Variants in NFATC2 observed in about 807,000 individuals in gnomAD.
NFATC2 encodes nuclear factor of activated T cells 2.
A neutral mutation model predicts 87.3 loss-of-function variants in NFATC2; 22 were observed. That is an observed-to-expected ratio of 0.25 (90% CI 0.18 to 0.36). The LOEUF (loss-of-function observed/expected upper bound fraction) is 0.36, where lower values mean the gene tolerates loss of function less well. Ranked by LOEUF, NFATC2 falls within the 10% of genes least tolerant of loss-of-function variation. The pLI is 1.00. For missense variants in NFATC2, 1,149 were observed against 1,259.1 expected, an observed-to-expected ratio of 0.91 and a Z score of 1.32; for synonymous variants, 565 against 542.2, an observed-to-expected ratio of 1.04 and a Z score of -0.58.
At chr20:51,473,828 C>A (rs6096443) in intron 5 of NFATC2, 152 bp downstream of exon 5, 3 of 712,012 alleles carry the variant, frequency 4.2e-6, no homozygotes, top group Non-Finnish European at 6.7e-6. Flanking sequence ...TGTCTCTGTC[C>A]CCTCTGGTCA....
At chr20:51,535,305 C>T (rs1336186635) in intron 1 of NFATC2, among the ~76,000 whole-genome samples, 2 of 152,196 alleles carry the variant, frequency 1.3e-5, no homozygotes, top group South Asian at 2.1e-4. Flanking sequence ...TCCCTCTCTC[C>T]GACCAGCCAC....
chr20:51,510,120 G>A lies in NFATC2; in HGVS notation c.1332+6664C>T, dbSNP rs574354837. ...TTTGATCACTCCCTAAAAGGATGGC[G>A]TTCTGATTATTCTTTCCATTAAACA... On this transcript the variant is annotated intron_variant, in intron 3 of 10. Transcript: ENST00000371564. Among the ~76,000 whole-genome samples the A allele has an allele frequency of 1.1e-3, 161 of 152,306 alleles. 1 individual carries two copies. Among genetic ancestry groups the A allele is most frequent in the African/African-American group, 3.5e-3 (147 of 41,570 alleles).
intron 9 of NFATC2, among the ~76,000 whole-genome samples, chr20:51,424,860 A>C (rs1262883286): frequency 6.6e-6 from 1 of 151,938 alleles, no homozygotes; most frequent in Non-Finnish European, 1.5e-5. Flanking sequence ...AAAAAAAAAA[A>C]AACCCTAAAG....
chr20:51,404,412 C>T (rs1988354843), intron 9 of NFATC2, among the ~76,000 whole-genome samples: 1 of 152,236 alleles, frequency 6.6e-6, no homozygotes, highest in South Asian at 2.1e-4. Flanking sequence ...GTTCTTCAAA[C>T]ATGCAAGGCA....
intron 3 of NFATC2, among the ~76,000 whole-genome samples, chr20:51,507,248 C>T (rs903521905): frequency 4.6e-5 from 7 of 152,188 alleles, no homozygotes; most frequent in African/African-American, 1.7e-4. Flanking sequence ...GCCTCTCACC[C>T]CTCGTCGAAC....
intron 6 of NFATC2, 127 bp downstream of exon 6, chr20:51,454,421 T>G: frequency 1.1e-6 from 1 of 921,636 alleles, no homozygotes; most frequent in Non-Finnish European, 1.6e-6. Context: ...ACACGCTGAG[T>G]AAAAAGAGCA....
intron 1 of NFATC2, among the ~76,000 whole-genome samples, chr20:51,525,302 G>T (rs2076525832): frequency 6.6e-6 from 1 of 152,080 alleles, no homozygotes; most frequent in African/African-American, 2.4e-5. Flanking sequence ...CGGCTGCCTA[G>T]CCCGGGCTCC....
intron 1 of NFATC2, among the ~76,000 whole-genome samples, chr20:51,532,642 G>A (rs1406010601): frequency 2.0e-5 from 3 of 152,196 alleles, no homozygotes; most frequent in East Asian, 1.9e-4. Flanking sequence ...CCTCGCAGAC[G>A]GACACACAGC....
chr20:51,542,025 C>T (rs560578950), intron 1 of NFATC2, among the ~76,000 whole-genome samples: 110 of 152,316 alleles, frequency 7.2e-4, no homozygotes, highest in African/African-American at 2.0e-3. Context: ...AAATCATGTC[C>T]CTTGCCCTTT....
intron 6 of NFATC2, among the ~76,000 whole-genome samples, chr20:51,440,788 C>A (rs992369837): frequency 1.3e-5 from 2 of 152,148 alleles, no homozygotes; most frequent in Admixed American, 6.6e-5. Context: ...TGATTTTATG[C>A]AGCACGTGCA....
intron 3 of NFATC2, among the ~76,000 whole-genome samples, chr20:51,501,076 A>C (rs2076082587): frequency 6.6e-6 from 1 of 151,418 alleles, no homozygotes; most frequent in African/African-American, 2.4e-5. Flanking sequence ...ACACTCAAAC[A>C]CAGATGGTTT....
In NFATC2 at chr20:51,454,573, T is replaced by C. The variant is rs1239093396; in HGVS notation, c.1824A>G (p.Lys608=). ...CTGTGGTCTTCTCAGTAAACACAAC[T>C]TTGGACTCGGATGTAAAGTTCTGCC... ...LTGQNFTSES[K]VVFTEKTTDG... is the part of the protein sequence containing the mutation. The change falls in exon 6 of 11, where the codon AAA becomes AAG. Residue 608 remains lysine, a synonymous_variant. Coordinates refer to ENST00000371564, the MANE Select transcript of NFATC2 (RefSeq NM_012340.5). 6.2e-7 allele frequency: 1 copy of C among 1,614,054 alleles called. No individual in the cohort carries two copies. Among genetic ancestry groups the C allele is most frequent in the Admixed American group, 1.7e-5 (1 of 60,018 alleles).
intron 9 of NFATC2, among the ~76,000 whole-genome samples, chr20:51,403,968 C>T (rs993755695): frequency 6.6e-6 from 1 of 152,178 alleles, no homozygotes; most frequent in Non-Finnish European, 1.5e-5. Flanking sequence ...GTGAAGTCAT[C>T]GAGGTTCAGG....
At chr20:51,437,640 A>G (rs981165435) in intron 6 of NFATC2, among the ~76,000 whole-genome samples, 14 of 152,308 alleles carry the variant, frequency 9.2e-5, no homozygotes, top group African/African-American at 3.4e-4. Flanking sequence ...AACAAGGAAC[A>G]CGCAATGAAC....
At chr20:51,404,389 C>G (rs1168745022) in intron 9 of NFATC2, among the ~76,000 whole-genome samples, 1 of 152,236 alleles carries the variant, frequency 6.6e-6, no homozygotes, top group Non-Finnish European at 1.5e-5. Context: ...GAATCTGAGT[C>G]AATGCATGCA....
intron 9 of NFATC2, among the ~76,000 whole-genome samples, chr20:51,405,475 C>A (rs1294381398): frequency 1.3e-5 from 2 of 152,150 alleles, no homozygotes; most frequent in African/African-American, 4.8e-5. Context: ...TTTGCATGTG[C>A]CATGTTCGTA....
chr20:51,434,193 AGGCTGCC>A (rs1438725403), intron 8 of NFATC2, among the ~76,000 whole-genome samples: 27 of 62,888 alleles, frequency 4.3e-4, no homozygotes, highest in Non-Finnish European at 4.7e-4. Flanking sequence ...CACCAAGGCA[AGGCTGCC>A]AGGGCAGTCA....
chr20:51,522,409 A>C (rs926740071), intron 2 of NFATC2, among the ~76,000 whole-genome samples: 1 of 152,164 alleles, frequency 6.6e-6, no homozygotes. Flanking sequence ...CAAGCACAGC[A>C]GCAGAAAGGC....
rs1288624784 is a variant in NFATC2 at position 51,480,903 on chromosome 20, A to G, written c.1333-5243T>C. ...AACTGAATGGAAGGGTGAAGAATGA[A>G]TGTGAACAAAGTGAGAACCAACGTG... On this transcript the variant is annotated intron_variant, in intron 3 of 10. Coordinates refer to ENST00000371564, the MANE Select transcript of NFATC2 (RefSeq NM_012340.5). This position sits in a 1 kb window ranked among gnomAD's most constrained non-coding sequence, Gnocchi z 4.2. Among the ~76,000 whole-genome samples, 4 of 152,202 alleles carry G rather than the reference A, an allele frequency of 2.6e-5. No homozygotes were observed. Among genetic ancestry groups the G allele is most frequent in the Non-Finnish European group, 5.9e-5 (4 of 68,030 alleles).
Sources: gnomAD v4.1 joint callset for allele counts (sites outside exome capture counted in the v4.1 genomes callset) on GRCh38, gnomAD v4.1.1 for gene constraint, Gnocchi (gnomAD v3.1) non-coding constraint, MANE v1.5 for transcripts, NCBI Gene and HGNC (gene_info 2026-07-23, HGNC 2026-07-21) for gene names.